Variants in ZNF704 observed in about 807,000 individuals in gnomAD.
ZNF704 encodes the protein zinc finger protein 704.
In ZNF704, 10 loss-of-function variants were observed where a neutral mutation model predicts 44.7. The observed-to-expected ratio is 0.22, with a 90% CI of 0.14 to 0.38. ZNF704 has a LOEUF of 0.38. ZNF704 is among the 10% of genes least tolerant of loss of function. ZNF704 has a pLI of 1.00. For synonymous variants in ZNF704, 211 were observed against 207.6 expected, an observed-to-expected ratio of 1.02 and a Z score of -0.14; for missense variants, 390 against 545.5, an observed-to-expected ratio of 0.71 and a Z score of 2.84.
intron 2 of ZNF704, among the ~76,000 whole-genome samples, chr8:80,776,080 C>T (rs1344336056): frequency 6.6e-6 from 1 of 152,138 alleles, no homozygotes; most frequent in Non-Finnish European, 1.5e-5. Context: ...GGGCATTATA[C>T]CATAATTAAT....
intron 2 of ZNF704, among the ~76,000 whole-genome samples, chr8:80,723,899 T>C (rs1806426310): frequency 6.6e-6 from 1 of 152,202 alleles, no homozygotes. Flanking sequence ...TGTTCCAACA[T>C]TTCAAATGAC....
chr8:80,671,791 G>A (rs1382582103), intron 4 of ZNF704, among the ~76,000 whole-genome samples: 1 of 152,140 alleles, frequency 6.6e-6, no homozygotes, highest in East Asian at 1.9e-4. Flanking sequence ...AGGGCTGATG[G>A]ATGAGAAGTG....
chr8:80,763,612 G>T (rs1436894062), intron 2 of ZNF704, among the ~76,000 whole-genome samples: 2 of 152,194 alleles, frequency 1.3e-5, no homozygotes, highest in Non-Finnish European at 2.9e-5. Flanking sequence ...GATGAGAGGG[G>T]CTCCCGTGAA....
chr8:80,758,764 G>C (rs767176856), intron 2 of ZNF704, among the ~76,000 whole-genome samples: 1 of 151,994 alleles, frequency 6.6e-6, no homozygotes, highest in Admixed American at 6.6e-5. Context: ...TTGAAATCAG[G>C]TGCATTTTAT....
At chr8:80,826,082 AG>A in intron 1 of ZNF704, among the ~76,000 whole-genome samples, 1 of 152,140 alleles carries the variant, frequency 6.6e-6, no homozygotes, top group African/African-American at 2.4e-5. Context: ...AGATCAGAGC[AG>A]AACTGAAAGA....
chr8:80,803,770 C>T (rs1363791511), intron 2 of ZNF704, among the ~76,000 whole-genome samples: 2 of 152,046 alleles, frequency 1.3e-5, no homozygotes, highest in Non-Finnish European at 2.9e-5. Context: ...GACATAGGCA[C>T]AGGCAAAGAC....
At chr8:80,783,478 C>T (rs981128732) in intron 2 of ZNF704, among the ~76,000 whole-genome samples, 17 of 152,234 alleles carry the variant, frequency 1.1e-4, no homozygotes, top group East Asian at 3.9e-4. Context: ...TGTTCTGACT[C>T]CATGTTCTCC....
intron 7 of ZNF704, among the ~76,000 whole-genome samples, chr8:80,650,153 C>A (rs762840217): frequency 2.5e-4 from 38 of 152,262 alleles, no homozygotes; most frequent in Non-Finnish European, 3.8e-4. Flanking sequence ...CACACCAAAA[C>A]CCCATCTGTA....
intron 7 of ZNF704, among the ~76,000 whole-genome samples, chr8:80,654,482 A>G (rs1285144428): frequency 2.0e-5 from 3 of 152,246 alleles, no homozygotes; most frequent in African/African-American, 4.8e-5. Flanking sequence ...ATGAACTCCA[A>G]CAAATTTACA....
intron 2 of ZNF704, among the ~76,000 whole-genome samples, chr8:80,693,536 C>T (rs1563521231): frequency 6.6e-6 from 1 of 152,198 alleles, no homozygotes; most frequent in Non-Finnish European, 1.5e-5. Flanking sequence ...CATAAACAGG[C>T]TAACGTGACA....
intron 1 of ZNF704, among the ~76,000 whole-genome samples, chr8:80,871,441 T>C (rs887710208): frequency 6.6e-6 from 1 of 152,130 alleles, no homozygotes; most frequent in Non-Finnish European, 1.5e-5. Flanking sequence ...GGTCAAATGT[T>C]CCCTCCTCAG....
upstream of ZNF704, among the ~76,000 whole-genome samples, chr8:80,875,110 G>A (rs1809338882): frequency 1.3e-5 from 2 of 152,182 alleles, no homozygotes; most frequent in African/African-American, 4.8e-5. Flanking sequence ...GGGAGTTCAA[G>A]ATCGTTTGAG....
At chr8:80,881,552 T>A in the ZNF704 span, among the ~76,000 whole-genome samples, 1 of 152,210 alleles carries the variant, frequency 6.6e-6, no homozygotes. Context: ...CTCCGTAGGA[T>A]ACCTGCTAAC....
chr8:80,639,827 T>G lies in ZNF704; in HGVS notation c.*1539A>C, dbSNP rs1181049004. The G allele has an allele frequency of 1.3e-5, 2 of 152,664 alleles. No homozygotes were observed. Among genetic ancestry groups the G allele is most frequent in the Non-Finnish European group, 2.9e-5 (2 of 68,060 alleles). 9.5% of individuals were successfully genotyped at this position (152,664 alleles called of 1,614,324 possible). A position where few individuals can be genotyped will look rare whatever the true frequency, so the allele number is the denominator to read the frequency against. On this transcript the variant is annotated 3_prime_UTR_variant, in exon 9 of 9. Coordinates refer to ENST00000327835, the MANE Select transcript of ZNF704 (RefSeq NM_001033723.3). ...TTCCTCTGTGCAATTTCATTTAACA[T>G]TCCTATGGCTGATCCCATGTCCCCT... is the stretch of plus-strand genomic sequence containing the variant.
At chr8:80,660,853 A>C (rs1818091685) in intron 6 of ZNF704, among the ~76,000 whole-genome samples, 2 of 152,220 alleles carry the variant, frequency 1.3e-5, no homozygotes, top group African/African-American at 4.8e-5. Context: ...AAAACACAAG[A>C]AAAACACTCT....
At chr8:80,820,903 C>T (rs75576360) in intron 2 of ZNF704, among the ~76,000 whole-genome samples, 7,355 of 151,522 alleles carry the variant, frequency 0.049, 569 homozygotes, top group African/African-American at 0.17. Context: ...CAGACCCTAT[C>T]TCTATTTGGA....
chr8:80,635,074 G>T lies in ZNF704; in HGVS notation c.*6292C>A, dbSNP rs956907532. On this transcript the variant is annotated 3_prime_UTR_variant, in exon 9 of 9. Coordinates refer to ENST00000327835, the MANE Select transcript of ZNF704 (RefSeq NM_001033723.3). ...GACCACCTCATAAGAGCTGCCCAACGGGTGTATGGCTGTTCTATCTCAGCT... is the reference window on the plus strand; with the variant it reads ...GACCACCTCATAAGAGCTGCCCAACTGGTGTATGGCTGTTCTATCTCAGCT... The T allele has an allele frequency of 6.6e-6, 1 of 152,130 alleles. No homozygotes were observed. The highest frequency in any genetic ancestry group is 2.4e-5 in the African/African-American group (1 of 41,444). 9.4% of individuals were successfully genotyped at this position (152,130 alleles called of 1,614,324 possible). A position where few individuals can be genotyped will look rare whatever the true frequency, so the allele number is the denominator to read the frequency against.
At chr8:80,660,199 G>A (rs964673330) in intron 6 of ZNF704, among the ~76,000 whole-genome samples, 1 of 152,144 alleles carries the variant, frequency 6.6e-6, no homozygotes, top group African/African-American at 2.4e-5. Flanking sequence ...GGGGCTGGGC[G>A]TGGTGGCTCA....
intron 2 of ZNF704, among the ~76,000 whole-genome samples, chr8:80,695,336 A>G (rs1818708756): frequency 6.6e-6 from 1 of 152,200 alleles, no homozygotes; most frequent in African/African-American, 2.4e-5. Flanking sequence ...GCTGCTGCCC[A>G]CATCTCTTCC....
Sources: gnomAD v4.1 joint callset for allele counts (sites outside exome capture counted in the v4.1 genomes callset) on GRCh38, gnomAD v4.1.1 for gene constraint, MANE v1.5 for transcripts, NCBI Gene and HGNC (gene_info 2026-07-23, HGNC 2026-07-21) for gene names.